MEI4: variants seen among roughly 807,000 people sequenced by gnomAD.
The protein encoded by MEI4 is meiotic double-stranded break formation protein 4.
Under a neutral mutation model 31.4 loss-of-function variants are expected in MEI4, and 27 were observed. The ratio of observed to expected loss-of-function variants is 0.86; its 90% confidence interval spans 0.63 to 1.19. The LOEUF is 1.19. MEI4 is among the 50% of genes most tolerant of loss of function. The probability of loss-of-function intolerance (pLI) is 0.00; values close to 1 mark genes in which losing one functional copy is unlikely to be tolerated. For missense variants in MEI4, 329 were observed against 398.9 expected (o/e 0.82, Z 1.49); for synonymous variants, 122 against 145.4 (o/e 0.84, Z 1.16).
chr6:77,672,402 T>G (rs2127646118), intron 1 of MEI4, among the ~76,000 whole-genome samples: 1 of 152,390 alleles, frequency 6.6e-6, no homozygotes, highest in East Asian at 1.9e-4. Context: ...TAATTTGCTT[T>G]AAAATGTATT....
chr6:77,750,175 T>C (rs1409617533), intron 2 of MEI4, among the ~76,000 whole-genome samples: 2 of 152,180 alleles, frequency 1.3e-5, no homozygotes, highest in East Asian at 3.9e-4. Flanking sequence ...CATACCAAAT[T>C]GTAAAGACTA....
chr6:77,920,718 C>T (rs2127742598), intron 4 of MEI4, among the ~76,000 whole-genome samples: 1 of 151,924 alleles, frequency 6.6e-6, no homozygotes, highest in East Asian at 1.9e-4. Context: ...TACTCTTGAG[C>T]CATGGGCTGC....
intron 3 of MEI4, among the ~76,000 whole-genome samples, chr6:77,762,920 A>G (rs1318516784): frequency 7.2e-5 from 11 of 152,156 alleles, no homozygotes; most frequent in Non-Finnish European, 5.9e-5. Context: ...TATCTTAAAT[A>G]CTTGATATTT....
intron 3 of MEI4, among the ~76,000 whole-genome samples, chr6:77,799,126 C>G (rs1231337930): frequency 6.6e-6 from 1 of 152,248 alleles, no homozygotes; most frequent in Middle Eastern, 3.4e-3. Context: ...CAAAGTGTTC[C>G]TATTTCTCCA....
At chr6:77,739,778 T>A (rs902531723) in intron 2 of MEI4, among the ~76,000 whole-genome samples, 3 of 152,148 alleles carry the variant, frequency 2.0e-5, no homozygotes, top group Non-Finnish European at 4.4e-5. Flanking sequence ...ATCTTTTGAA[T>A]TTTTTTGTGT....
At chr6:77,675,200 A>G (rs1768819129) in intron 1 of MEI4, among the ~76,000 whole-genome samples, 1 of 151,928 alleles carries the variant, frequency 6.6e-6, no homozygotes, top group African/African-American at 2.4e-5. Flanking sequence ...TGCTTGTTAT[A>G]TATTTTGCCC....
chr6:77,792,401 G>A (rs1291221779), intron 3 of MEI4, among the ~76,000 whole-genome samples: 1 of 152,096 alleles, frequency 6.6e-6, no homozygotes, highest in Non-Finnish European at 1.5e-5. Flanking sequence ...TATAATGACA[G>A]TACTGATTTA....
intron 2 of MEI4, among the ~76,000 whole-genome samples, chr6:77,692,540 T>C (rs1769176784): frequency 6.6e-6 from 1 of 151,956 alleles, no homozygotes; most frequent in Non-Finnish European, 1.5e-5. Flanking sequence ...AAAGCCTACA[T>C]AAGGAATAGT....
chr6:77,664,498 C>T (rs927424367), intron 1 of MEI4, among the ~76,000 whole-genome samples: 1 of 151,972 alleles, frequency 6.6e-6, no homozygotes, highest in Non-Finnish European at 1.5e-5. Context: ...AGTCACGGAA[C>T]GAAACTGTAA....
chr6:77,816,438 T>A lies in MEI4; in HGVS notation c.769-12493T>A, dbSNP rs531421908. 7.2e-5 allele frequency among the ~76,000 whole-genome samples: 11 copies of A among 152,264 alleles called. No homozygotes were observed. In the South Asian group the frequency reaches 2.3e-3, roughly 32 times the overall value. ...GTAGGAGGACTGGGATTTAGTCATG[T>A]TGAAACTTTACTTTTATTTTTAAAA... On this transcript the variant is annotated intron_variant, in intron 3 of 4. Transcript: ENST00000684080.
intron 4 of MEI4, among the ~76,000 whole-genome samples, chr6:77,851,461 A>AAT (rs1770619050): frequency 6.6e-6 from 1 of 151,856 alleles, no homozygotes; most frequent in African/African-American, 2.4e-5. Context: ...AGCCATAAAA[A>AAT]GATGAGTTCA....
chr6:77,867,288 A>G (rs1771059523), intron 4 of MEI4, among the ~76,000 whole-genome samples: 1 of 152,192 alleles, frequency 6.6e-6, no homozygotes, highest in South Asian at 2.1e-4. Context: ...TGAACAGGCA[A>G]CCTACAGAAT....
intron 3 of MEI4, among the ~76,000 whole-genome samples, chr6:77,789,128 A>T (rs1260920205): frequency 6.6e-6 from 1 of 152,220 alleles, no homozygotes; most frequent in Non-Finnish European, 1.5e-5. Flanking sequence ...GACCTTTGAC[A>T]AACCTGACAA....
chr6:77,710,520 C>CAAAA (rs1198470708), intron 2 of MEI4, among the ~76,000 whole-genome samples: 97 of 57,526 alleles, frequency 1.7e-3, no homozygotes, highest in African/African-American at 2.9e-3. Flanking sequence ...GACTCCATCT[C>CAAAA]AAAAAAAAAA....
chr6:77,788,786 C>A (rs1309547867), intron 3 of MEI4, among the ~76,000 whole-genome samples: 1 of 152,168 alleles, frequency 6.6e-6, no homozygotes, highest in African/African-American at 2.4e-5. Context: ...ATTCCATGCT[C>A]ATGGGTAGGA....
At chr6:77,817,727 T>A (rs933973773) in intron 3 of MEI4, among the ~76,000 whole-genome samples, 13 of 152,140 alleles carry the variant, frequency 8.5e-5, no homozygotes, top group African/African-American at 2.7e-4. Context: ...TAAAAAATCT[T>A]GTTCTAGTGT....
intron 4 of MEI4, among the ~76,000 whole-genome samples, chr6:77,866,703 C>T (rs1249571320): frequency 6.6e-6 from 1 of 152,158 alleles, no homozygotes; most frequent in Non-Finnish European, 1.5e-5. Context: ...CAATGACTTT[C>T]TTCACAGAAT....
intron 2 of MEI4, among the ~76,000 whole-genome samples, chr6:77,751,129 G>A (rs1767762000): frequency 6.6e-6 from 1 of 152,106 alleles, no homozygotes; most frequent in South Asian, 2.1e-4. Context: ...TGTGTAGAGA[G>A]AAATGTATAG....
At chr6:77,819,586 T>G (rs1249260960) in intron 3 of MEI4, among the ~76,000 whole-genome samples, 8 of 152,182 alleles carry the variant, frequency 5.3e-5, no homozygotes, top group African/African-American at 1.9e-4. Flanking sequence ...ACCCAAAGTT[T>G]TCTTCACCCT....
Sources: gnomAD v4.1 joint callset for allele counts (sites outside exome capture counted in the v4.1 genomes callset) on GRCh38, gnomAD v4.1.1 for gene constraint, MANE v1.5 for transcripts, NCBI Gene and HGNC (gene_info 2026-07-23, HGNC 2026-07-21) for gene names.